SLC24A4: variants seen among roughly 807,000 people sequenced by gnomAD.
SLC24A4 encodes the protein sodium/potassium/calcium exchanger 4.
A neutral mutation model predicts 79.0 loss-of-function variants in SLC24A4; 53 were observed. That is an observed-to-expected ratio of 0.67 (90% CI 0.54 to 0.84). SLC24A4 has a LOEUF of 0.84. Ranked by LOEUF, SLC24A4 falls within the 40% of genes least tolerant of loss-of-function variation. The pLI is 0.00. For synonymous variants in SLC24A4, 323 were observed against 323.8 expected (o/e 1.00, Z 0.03); for missense variants, 731 against 822.0 (o/e 0.89, Z 1.35).
At position 92,428,963 on chromosome 14, in the gene SLC24A4, C is replaced by G. The variant is rs1035751772; in HGVS notation, c.242-4949C>G. On this transcript the variant is annotated intron_variant, in intron 2 of 16. Transcript: ENST00000532405. Reference sequence around the variant, plus strand: ...TACATGATTCCATTGATATGGTGCTCTGGAAAAGGCAAATATGGGGAAAGG... The same window carrying G: ...TACATGATTCCATTGATATGGTGCTGTGGAAAAGGCAAATATGGGGAAAGG... Among the ~76,000 whole-genome samples, 128 of 152,168 alleles carry G rather than the reference C, an allele frequency of 8.4e-4. 10 individuals carry two copies.
At chr14:92,412,826 C>T (rs549666155) in intron 2 of SLC24A4, among the ~76,000 whole-genome samples, 2 of 152,264 alleles carry the variant, frequency 1.3e-5, no homozygotes, top group East Asian at 3.9e-4. Flanking sequence ...CTACAGCCTG[C>T]GGGTCAAATT....
At chr14:92,365,814 A>C (rs551926330) in intron 2 of SLC24A4, among the ~76,000 whole-genome samples, 1 of 152,300 alleles carries the variant, frequency 6.6e-6, no homozygotes, top group South Asian at 2.1e-4. Context: ...ACTGAGGCAG[A>C]GAGTGAGAGA....
intron 2 of SLC24A4, among the ~76,000 whole-genome samples, chr14:92,424,001 G>T (rs1891432933): frequency 6.6e-6 from 1 of 152,044 alleles, no homozygotes. Flanking sequence ...TCTGTTCCAG[G>T]CCTCTCTCCT....
intron 2 of SLC24A4, among the ~76,000 whole-genome samples, chr14:92,428,114 A>T (rs1891668507): frequency 6.6e-6 from 1 of 152,240 alleles, no homozygotes; most frequent in African/African-American, 2.4e-5. Flanking sequence ...TAGCAGCCTG[A>T]ATGAACTGAG....
intron 2 of SLC24A4, among the ~76,000 whole-genome samples, chr14:92,337,955 A>C (rs988912065): frequency 1.3e-5 from 2 of 152,144 alleles, no homozygotes; most frequent in African/African-American, 4.8e-5. Flanking sequence ...CTGGAGGCTG[A>C]ATTTTATAAG....
At position 92,448,345 on chromosome 14, in the gene SLC24A4, T is replaced by TACACACAC. The variant is rs71877757; in HGVS notation, c.738-701_738-694dup. On this transcript the variant is annotated intron_variant, in intron 9 of 16. Coordinates refer to ENST00000532405, the MANE Select transcript of SLC24A4 (RefSeq NM_153646.4). ...TGACATATATTTTTTTCCCACTACA[T>TACACACAC]ACACACACACACACACACACACACA... 9.3e-3 allele frequency among the ~76,000 whole-genome samples: 1,233 copies of TACACACAC among 132,012 alleles called. 11 individuals carry two copies. Among genetic ancestry groups the TACACACAC allele is most frequent in the South Asian group, 0.023 (95 of 4,122 alleles). 86.6% of individuals were successfully genotyped at this position (132,012 alleles called of 152,430 possible).
intron 12 of SLC24A4, among the ~76,000 whole-genome samples, chr14:92,463,114 C>T (rs943114043): frequency 6.6e-6 from 1 of 152,104 alleles, no homozygotes; most frequent in African/African-American, 2.4e-5. Flanking sequence ...ACCACCCAGC[C>T]TTCTCTTCTG....
At chr14:92,445,448 A>T (rs1892747961) in intron 8 of SLC24A4, 106 bp downstream of exon 8, 15 of 1,220,552 alleles carry the variant, frequency 1.2e-5, no homozygotes, top group Non-Finnish European at 1.8e-5. Context: ...TTATAAACTT[A>T]AGCTTATTAA....
intron 12 of SLC24A4, among the ~76,000 whole-genome samples, chr14:92,461,064 AAACGGTCGGC>A (rs1317410592): frequency 2.6e-5 from 4 of 152,168 alleles, no homozygotes; most frequent in Admixed American, 2.6e-4. Flanking sequence ...CACCGCCCTG[AAACGGTCGGC>A]AATGACCCTG....
At chr14:92,378,469 A>G (rs1173161688) in intron 2 of SLC24A4, among the ~76,000 whole-genome samples, 1 of 152,114 alleles carries the variant, frequency 6.6e-6, no homozygotes, top group Non-Finnish European at 1.5e-5. Context: ...TTTAATAGGC[A>G]TTTCCTTGGA....
rs1888161539 is a variant in SLC24A4, at chr14:92,371,636, C to T, written c.241+45658C>T. On this transcript the variant is annotated intron_variant, in intron 2 of 16. Coordinates refer to ENST00000532405, the MANE Select transcript of SLC24A4 (RefSeq NM_153646.4). ...CATTTTGCCACCCCATTCGGGACCC[C>T]TCTCTACAACACAGAACTGTTTCTT... is the stretch of plus-strand genomic sequence containing the variant. Among the ~76,000 whole-genome samples the T allele has an allele frequency of 2.0e-5, 3 of 152,210 alleles. No homozygotes were observed. The East Asian group carries it at 5.8e-4, about 29-fold the overall frequency.
chr14:92,410,237 G>A (rs902830547), intron 2 of SLC24A4, among the ~76,000 whole-genome samples: 12 of 152,104 alleles, frequency 7.9e-5, no homozygotes, highest in African/African-American at 2.2e-4. Flanking sequence ...GCTGGAGTGC[G>A]GTGGTACAAT....
At chr14:92,476,922 A>G (rs191114746) in intron 12 of SLC24A4, among the ~76,000 whole-genome samples, 22 of 152,270 alleles carry the variant, frequency 1.4e-4, no homozygotes. Context: ...CTTTGTATTT[A>G]TATGCCACAT....
chr14:92,473,110 C>T (rs371095158), intron 12 of SLC24A4, among the ~76,000 whole-genome samples: 6 of 152,190 alleles, frequency 3.9e-5, no homozygotes, highest in African/African-American at 1.2e-4. Flanking sequence ...TCATGACCAT[C>T]ATTTCTATAC....
chr14:92,408,302 A>T, intron 2 of SLC24A4: 2 of 730,560 alleles, frequency 2.7e-6, no homozygotes, highest in Non-Finnish European at 3.3e-6. Context: ...GTTGTGGCTA[A>T]ATTGAGTCTT....
intron 12 of SLC24A4, among the ~76,000 whole-genome samples, chr14:92,479,144 G>C (rs987126574): frequency 3.3e-5 from 5 of 152,128 alleles, no homozygotes; most frequent in African/African-American, 1.2e-4. Context: ...AATAGGGATA[G>C]TTTTACTTCT....
At chr14:92,492,273 A>G in intron 16 of SLC24A4, 33 bp downstream of exon 16, 1 of 1,594,768 alleles carries the variant, frequency 6.3e-7, no homozygotes, top group African/African-American at 1.3e-5. Flanking sequence ...CAGATGCCTC[A>G]TGCATACTTG....
intron 12 of SLC24A4, among the ~76,000 whole-genome samples, chr14:92,474,827 A>ATGTGTGTGTGTG (rs1484148777): frequency 0.25 from 19,038 of 76,206 alleles, 4,403 homozygotes; most frequent in Non-Finnish European, 0.33. Context: ...ATATACATAT[A>ATGTGTGTGTGTG]TATGTGTGTG....
intron 2 of SLC24A4, among the ~76,000 whole-genome samples, chr14:92,388,681 G>A (rs554690845): frequency 2.3e-3 from 343 of 152,328 alleles, no homozygotes; most frequent in Middle Eastern, 3.4e-3. Flanking sequence ...GGAAGGGGAC[G>A]TCAGAGATGT....
Sources: allele counts gnomAD v4.1 joint callset (sites outside exome capture counted in the v4.1 genomes callset), GRCh38; gene constraint gnomAD v4.1.1; transcripts MANE v1.5; gene names NCBI Gene and HGNC (gene_info 2026-07-23, HGNC 2026-07-21).